Variants in SLC26A8 observed in about 807,000 individuals in gnomAD.
SLC26A8 encodes the protein testis anion transporter 1.
A neutral mutation model predicts 105.0 loss-of-function variants in SLC26A8; 70 were observed. That is an observed-to-expected ratio of 0.67 (90% CI 0.55 to 0.81). SLC26A8 has a LOEUF of 0.81. Among genes scored for constraint, SLC26A8 ranks in the 40% least tolerant of loss-of-function variants. The probability of loss-of-function intolerance (pLI) is 0.00; values close to 1 mark genes in which losing one functional copy is unlikely to be tolerated. For synonymous variants in SLC26A8, 415 were observed against 438.3 expected (o/e 0.95, Z 0.66); for missense variants, 998 against 1,181.8 (o/e 0.84, Z 2.28).
At chr6:36,019,192 C>G in intron 2 of SLC26A8, among the ~76,000 whole-genome samples, 1 of 152,250 alleles carries the variant, frequency 6.6e-6, no homozygotes, top group Middle Eastern at 3.4e-3. Context: ...TCCTGAAGTG[C>G]TGGGATTACG....
chr6:35,996,894 G>A (rs1562058618), intron 5 of SLC26A8, among the ~76,000 whole-genome samples: 1 of 152,072 alleles, frequency 6.6e-6, no homozygotes, highest in Non-Finnish European at 1.5e-5. Flanking sequence ...AATGTGCTGG[G>A]TGTGGTGGCA....
At chr6:36,021,814 C>T (rs1043060457) in intron 1 of SLC26A8, among the ~76,000 whole-genome samples, 1 of 152,024 alleles carries the variant, frequency 6.6e-6, no homozygotes, top group South Asian at 2.1e-4. Context: ...TATAGAGTCT[C>T]GCTCTGTCGC....
chr6:36,007,119 T>C (rs1439795430), intron 3 of SLC26A8, among the ~76,000 whole-genome samples: 1 of 152,176 alleles, frequency 6.6e-6, no homozygotes, highest in African/African-American at 2.4e-5. Context: ...CAACATAGTA[T>C]TGGAAGTCTT....
At chr6:36,022,959 C>A (rs1441251020) in intron 1 of SLC26A8, among the ~76,000 whole-genome samples, 1 of 149,168 alleles carries the variant, frequency 6.7e-6, no homozygotes, top group Admixed American at 6.6e-5. Flanking sequence ...GACTGCTGGG[C>A]CCCCAGAGAT....
At chr6:35,972,807 T>C (rs1581648255) in intron 10 of SLC26A8, among the ~76,000 whole-genome samples, 1 of 152,292 alleles carries the variant, frequency 6.6e-6, no homozygotes, top group South Asian at 2.1e-4. Context: ...TGCTCAGGGG[T>C]TGGAAATTCA....
intron 7 of SLC26A8, among the ~76,000 whole-genome samples, chr6:35,986,524 T>C (rs1773532013): frequency 6.6e-6 from 1 of 152,162 alleles, no homozygotes; most frequent in South Asian, 2.1e-4. Context: ...CTCTAGACCC[T>C]GGTAACCACC....
chr6:35,969,119 G>A, intron 10 of SLC26A8, 165 bp from the exon 11 acceptor site: 1 of 612,950 alleles, frequency 1.6e-6, no homozygotes, highest in South Asian at 1.9e-5. Context: ...TCTTATCAAA[G>A]TGCTAAACAC....
At chr6:35,994,437 G>C (rs1238420286) in intron 5 of SLC26A8, among the ~76,000 whole-genome samples, 1 of 151,788 alleles carries the variant, frequency 6.6e-6, no homozygotes, top group East Asian at 2.0e-4. Flanking sequence ...TTAATCTCCT[G>C]TCATTGCCGC....
intron 16 of SLC26A8, among the ~76,000 whole-genome samples, chr6:35,956,317 A>G (rs1287218642): frequency 1.3e-5 from 2 of 150,968 alleles, no homozygotes; most frequent in Non-Finnish European, 2.9e-5. Flanking sequence ...TGTCCCAGGT[A>G]CTCAGGAGGC....
At chr6:35,973,177 A>T (rs1772863680) in intron 10 of SLC26A8, among the ~76,000 whole-genome samples, 1 of 152,244 alleles carries the variant, frequency 6.6e-6, no homozygotes, top group Non-Finnish European at 1.5e-5. Context: ...TACTGAATAA[A>T]CAAAGTATGT....
At chr6:36,008,484 T>C (rs559947834) in intron 3 of SLC26A8, among the ~76,000 whole-genome samples, 3 of 152,222 alleles carry the variant, frequency 2.0e-5, no homozygotes, top group African/African-American at 7.2e-5. Context: ...AAAACAATGA[T>C]GAGATACCAC....
intron 11 of SLC26A8, among the ~76,000 whole-genome samples, chr6:35,968,654 T>TATATAG (rs1772650336): frequency 9.1e-6 from 1 of 109,320 alleles, no homozygotes; most frequent in Non-Finnish European, 1.8e-5. Flanking sequence ...TATATATATA[T>TATATAG]CTCACATCAT....
chr6:35,971,919 A>T (rs1184574485), intron 10 of SLC26A8, among the ~76,000 whole-genome samples: 1 of 152,202 alleles, frequency 6.6e-6, no homozygotes, highest in East Asian at 1.9e-4. Context: ...TACGAATAGG[A>T]TGACCAGAAA....
chr6:35,944,721 C>CAAAA (rs1489021118), intron 19 of SLC26A8, among the ~76,000 whole-genome samples: 2 of 151,612 alleles, frequency 1.3e-5, no homozygotes, highest in African/African-American at 2.4e-5. Context: ...AACAAACAAA[C>CAAAA]AAAAAAACCC....
At chr6:36,020,671 A>G (rs1335860246) in intron 1 of SLC26A8, among the ~76,000 whole-genome samples, 2 of 152,204 alleles carry the variant, frequency 1.3e-5, no homozygotes, top group Non-Finnish European at 2.9e-5. Context: ...TTGAAAAGAT[A>G]GAGTAAATGA....
At chr6:36,014,129 GCT>G (rs1215133938) in intron 2 of SLC26A8, among the ~76,000 whole-genome samples, 1 of 152,174 alleles carries the variant, frequency 6.6e-6, no homozygotes, top group Non-Finnish European at 1.5e-5. Context: ...TACAAAATAT[GCT>G]CTTTCTAATT....
Position 35,973,128 on chromosome 6 carries a change from C to T in SLC26A8, c.1287+2247G>A, listed in dbSNP as rs538720177. On this transcript the variant is annotated intron_variant, in intron 10 of 19. Transcript: ENST00000490799. Reference sequence around the variant, plus strand: ...CACTGTGATTTAGTTTTTTTCTAGCCGTGCACATCTTGTCTCCCAAATTTA... The same window carrying T: ...CACTGTGATTTAGTTTTTTTCTAGCTGTGCACATCTTGTCTCCCAAATTTA... Among the ~76,000 whole-genome samples, 451 of 152,186 alleles carry T rather than the reference C, an allele frequency of 3.0e-3. 1 individual carries two copies. The highest frequency in any genetic ancestry group is 0.01 in the African/African-American group (426 of 41,540).
chr6:36,020,184 C>T (rs851033), intron 1 of SLC26A8, among the ~76,000 whole-genome samples: 98,782 of 152,120 alleles, frequency 0.65, 32,668 homozygotes, highest in Middle Eastern at 0.74. Flanking sequence ...CTTTTCTTCA[C>T]GGCACTTGCC....
intron 3 of SLC26A8, among the ~76,000 whole-genome samples, chr6:36,006,607 G>A (rs1283386637): frequency 6.6e-6 from 1 of 152,130 alleles, no homozygotes; most frequent in Non-Finnish European, 1.5e-5. Flanking sequence ...AAACTGGCAG[G>A]GGGCTCATAG....
Sources: allele counts gnomAD v4.1 joint callset (sites outside exome capture counted in the v4.1 genomes callset), GRCh38; gene constraint gnomAD v4.1.1; transcripts MANE v1.5; gene names NCBI Gene and HGNC (gene_info 2026-07-23, HGNC 2026-07-21).